Variants in DOCK1 observed in about 807,000 individuals in gnomAD.
The protein encoded by DOCK1 is dedicator of cytokinesis protein 1.
In DOCK1, 138 loss-of-function variants were observed where a neutral mutation model predicts 262.7. The observed-to-expected ratio is 0.53, with a 90% CI of 0.46 to 0.61. The LOEUF is 0.61. Among genes scored for constraint, DOCK1 ranks in the 20% least tolerant of loss-of-function variants. The probability of loss-of-function intolerance (pLI) is 0.00; values close to 1 mark genes in which losing one functional copy is unlikely to be tolerated. For synonymous variants in DOCK1, 866 were observed against 867.4 expected, an observed-to-expected ratio of 1.00 and a Z score of 0.03; for missense variants, 1,908 against 2,370.7, an observed-to-expected ratio of 0.80 and a Z score of 4.05.
intron 27 of DOCK1, chr10:127,146,227 C>T (rs2051837921): frequency 1.2e-5 from 3 of 255,232 alleles, no homozygotes; most frequent in Non-Finnish European, 2.3e-5. Context: ...CTGGGACTAT[C>T]AGTATAATTA....
chr10:127,318,646 G>T (rs2062388298), intron 29 of DOCK1, among the ~76,000 whole-genome samples: 1 of 152,278 alleles, frequency 6.6e-6, no homozygotes, highest in East Asian at 1.9e-4. Flanking sequence ...ATGGCAGTGT[G>T]GTCTCATTGT....
chr10:126,996,458 T>G, intron 6 of DOCK1, among the ~76,000 whole-genome samples: 1 of 150,554 alleles, frequency 6.6e-6, no homozygotes, highest in Non-Finnish European at 1.5e-5. Flanking sequence ...CATACTTCAC[T>G]TGGGCCTTGT....
intron 38 of DOCK1, among the ~76,000 whole-genome samples, chr10:127,394,981 A>G (rs2134234443): frequency 6.6e-6 from 1 of 152,322 alleles, no homozygotes; most frequent in South Asian, 2.1e-4. Flanking sequence ...GACTTCACAG[A>G]GGTGGTTACA....
chr10:126,964,680 G>C (rs1248080535), intron 1 of DOCK1, among the ~76,000 whole-genome samples: 1 of 152,224 alleles, frequency 6.6e-6, no homozygotes, highest in Non-Finnish European at 1.5e-5. Context: ...GTGAGACAGA[G>C]AGTGACTGAG....
At chr10:127,042,136 C>T (rs188777167) in intron 19 of DOCK1, among the ~76,000 whole-genome samples, 11 of 152,324 alleles carry the variant, frequency 7.2e-5, no homozygotes, top group Non-Finnish European at 1.3e-4. Flanking sequence ...AACTGGGATA[C>T]TGCTGTGTAT....
chr10:127,384,219 T>C (rs1401759517), intron 37 of DOCK1, among the ~76,000 whole-genome samples: 1 of 152,236 alleles, frequency 6.6e-6, no homozygotes. Flanking sequence ...CTGGCATGTC[T>C]CCTCGTGCAT....
At chr10:127,080,447 G>C (rs947538765) in intron 23 of DOCK1, among the ~76,000 whole-genome samples, 1 of 152,086 alleles carries the variant, frequency 6.6e-6, no homozygotes, top group Non-Finnish European at 1.5e-5. Context: ...GGGTTTGATT[G>C]ATATTTGCTT....
At position 127,037,805 on chromosome 10, in the gene DOCK1, G is replaced by A. The variant is rs2043741606; in HGVS notation, c.1999G>A (p.Glu667Lys). 1.9e-6 allele frequency: 3 copies of A among 1,585,802 alleles called. No individual in the cohort carries two copies. Among genetic ancestry groups the A allele is most frequent in the Non-Finnish European group, 2.6e-6 (3 of 1,165,704 alleles). Residue 667 changes from glutamate to lysine, a missense_variant, in exon 19 of 52, where the codon GAA becomes AAA. Physicochemically the swap from Glu to Lys is moderately conservative, Grantham distance 56. This residue lies in a region of DOCK1 where 294 missense variants were observed against 439.9 expected (regional missense o/e 0.67). Coordinates refer to ENST00000623213, the MANE Select transcript of DOCK1 (RefSeq NM_001290223.2). Reference sequence around the variant, plus strand: ...GCAGCTGATGAAAGTCGATGGTGGTGAAGTAGTGAAGGTAACATGGAGCCC... The same window carrying A: ...GCAGCTGATGAAAGTCGATGGTGGTAAAGTAGTGAAGGTAACATGGAGCCC... ...LRQLMKVDGG[E>K]VVKFLQDTLD...
At position 126,977,962 on chromosome 10, in the gene DOCK1, T is replaced by C. The variant is rs1260759480; in HGVS notation, c.145T>C (p.Tyr49His). ...TGTTTGTTTAGGGTGGTACCGAGGT[T>C]ACACGTTACGAAAAAAGTCTAAGAA... ...LETYEGWYRG[Y>H]TLRKKSKKGI... The change falls in exon 3 of 52, where the codon TAC becomes CAC. Residue 49 changes from tyrosine (Y) to histidine (H), a missense_variant. Tyr to His is a moderately conservative substitution (Grantham distance 83). Coordinates refer to ENST00000623213, the MANE Select transcript of DOCK1 (RefSeq NM_001290223.2). 5.0e-6 allele frequency: 8 copies of C among 1,614,020 alleles called. No individual in the cohort carries two copies. Among genetic ancestry groups the C allele is most frequent in the Non-Finnish European group, 6.8e-6 (8 of 1,179,884 alleles).
chr10:127,362,517 T>G (rs1368918886), intron 33 of DOCK1, among the ~76,000 whole-genome samples: 1 of 152,248 alleles, frequency 6.6e-6, no homozygotes, highest in African/African-American at 2.4e-5. Context: ...TACGTGCTCT[T>G]GTAGAGCGTT....
chr10:127,339,695 TTGTGTGTGTGTGTGTGTGTGTG>T (rs112206811), intron 30 of DOCK1, among the ~76,000 whole-genome samples: 5 of 109,858 alleles, frequency 4.6e-5, no homozygotes, highest in East Asian at 3.4e-4. Context: ...CTGGCCTGAT[TTGTGTGTGTGTGTGTGTGTGTG>T]TGTGTGTGTG....
At chr10:127,152,705 C>T (rs1480748802) in intron 27 of DOCK1, among the ~76,000 whole-genome samples, 1 of 152,252 alleles carries the variant, frequency 6.6e-6, no homozygotes, top group African/African-American at 2.4e-5. Context: ...GTTGTGGCAA[C>T]TGAAAACGTC....
chr10:127,304,857 G>A (rs186087715), intron 29 of DOCK1, among the ~76,000 whole-genome samples: 1 of 152,192 alleles, frequency 6.6e-6, no homozygotes, highest in East Asian at 1.9e-4. Context: ...ACTCCAACCT[G>A]GGTGACAGAG....
intron 23 of DOCK1, among the ~76,000 whole-genome samples, chr10:127,090,905 C>T (rs1383172915): frequency 1.3e-5 from 2 of 151,656 alleles, no homozygotes; most frequent in African/African-American, 2.4e-5. Flanking sequence ...GCACACCTGG[C>T]TTACTTCACC....
chr10:127,246,249 C>G (rs1021573045), intron 27 of DOCK1, among the ~76,000 whole-genome samples: 5 of 152,176 alleles, frequency 3.3e-5, no homozygotes, highest in Non-Finnish European at 7.3e-5. Context: ...GTACAGCCTC[C>G]ACACCCAGCT....
intron 29 of DOCK1, among the ~76,000 whole-genome samples, chr10:127,296,004 A>G (rs947476807): frequency 3.9e-5 from 6 of 152,166 alleles, no homozygotes; most frequent in African/African-American, 1.4e-4. Flanking sequence ...TGGCTTTCTT[A>G]CAGCATGCTG....
chr10:127,336,078 C>T (rs2063180468), intron 29 of DOCK1, among the ~76,000 whole-genome samples: 1 of 151,950 alleles, frequency 6.6e-6, no homozygotes, highest in South Asian at 2.1e-4. Context: ...GTCTTGAACT[C>T]CTGACCTCAG....
At chr10:127,291,347 G>A (rs995310093) in intron 29 of DOCK1, among the ~76,000 whole-genome samples, 1 of 152,162 alleles carries the variant, frequency 6.6e-6, no homozygotes, top group Non-Finnish European at 1.5e-5. Context: ...CAGAGAATAT[G>A]GCCACTTGGC....
At chr10:127,177,814 A>G (rs1034419116) in intron 27 of DOCK1, among the ~76,000 whole-genome samples, 1 of 152,382 alleles carries the variant, frequency 6.6e-6, no homozygotes, top group Middle Eastern at 3.4e-3. Context: ...GCTCGTTCAC[A>G]TACAGAATGC....
Sources: gnomAD v4.1 joint callset for allele counts (sites outside exome capture counted in the v4.1 genomes callset) on GRCh38, gnomAD v4.1.1 for gene constraint, gnomAD v4.1.1 regional missense constraint, MANE v1.5 for transcripts, NCBI Gene and HGNC (gene_info 2026-07-23, HGNC 2026-07-21) for gene names.